The following SPAG16 variants were observed in gnomAD, a reference collection of about 807,000 sequenced individuals.
The protein encoded by SPAG16 is sperm associated antigen 16, also known as sperm-associated antigen 16 protein.
In SPAG16, 86 loss-of-function variants were observed where a neutral mutation model predicts 80.4. That is an observed-to-expected ratio of 1.07 (90% CI 0.90 to 1.28). The LOEUF is 1.28. SPAG16 is among the 50% of genes most tolerant of loss of function. The pLI is 0.00. For missense variants in SPAG16, 870 were observed against 765.3 expected, an observed-to-expected ratio of 1.14 and a Z score of -1.61; for synonymous variants, 294 against 265.9, an observed-to-expected ratio of 1.11 and a Z score of -1.03.
chr2:213,466,073 C>A (rs899479695), intron 9 of SPAG16, among the ~76,000 whole-genome samples: 5 of 152,190 alleles, frequency 3.3e-5, no homozygotes, highest in African/African-American at 9.6e-5. Flanking sequence ...CAGCCTAAAT[C>A]TTTCTCCTGT....
At position 213,378,035 on chromosome 2, in the gene SPAG16, C is replaced by T. The variant is rs1361259190; in HGVS notation, c.942+2916C>T. ...AACTAAGGAGCACGGAGAGCCAGTCCGAGTCCCAAAACTGAAGAACTTGGA... is the reference window on the plus strand; with the variant it reads ...AACTAAGGAGCACGGAGAGCCAGTCTGAGTCCCAAAACTGAAGAACTTGGA... On this transcript the variant is annotated intron_variant, in intron 9 of 15. Transcript: ENST00000331683. Among the ~76,000 whole-genome samples, 5 of 151,902 alleles carry T rather than the reference C, an allele frequency of 3.3e-5. No individual in the cohort carries two copies. In the South Asian group the frequency reaches 6.2e-4, roughly 19 times the overall value.
chr2:213,748,469 A>C (rs1049851085), intron 10 of SPAG16, among the ~76,000 whole-genome samples: 3 of 152,050 alleles, frequency 2.0e-5, no homozygotes, highest in Non-Finnish European at 4.4e-5. Flanking sequence ...AGTTGAAAAA[A>C]AATGAAGAAA....
chr2:213,484,944 A>G (rs1038529079), intron 9 of SPAG16, among the ~76,000 whole-genome samples: 1 of 151,930 alleles, frequency 6.6e-6, no homozygotes, highest in Non-Finnish European at 1.5e-5. Context: ...GTGTTCTAGT[A>G]GGTATTTTTA....
chr2:214,299,306 AG>A (rs1490670912), intron 15 of SPAG16, among the ~76,000 whole-genome samples: 3 of 127,730 alleles, frequency 2.3e-5, no homozygotes, highest in Non-Finnish European at 4.6e-5. Context: ...GCTGGAGTGC[AG>A]TGGCGCAATC....
intron 11 of SPAG16, among the ~76,000 whole-genome samples, chr2:213,900,008 T>A (rs1439652116): frequency 1.3e-5 from 2 of 152,168 alleles, no homozygotes; most frequent in Non-Finnish European, 2.9e-5. Context: ...TTGCATTCCA[T>A]ATTTAGTCAG....
At chr2:213,710,446 T>G (rs1367761566) in intron 10 of SPAG16, among the ~76,000 whole-genome samples, 1 of 152,204 alleles carries the variant, frequency 6.6e-6, no homozygotes, top group African/African-American at 2.4e-5. Context: ...TAAGCATGTA[T>G]CTATGTATTA....
At chr2:213,394,647 G>A (rs2067942602) in intron 9 of SPAG16, among the ~76,000 whole-genome samples, 1 of 151,982 alleles carries the variant, frequency 6.6e-6, no homozygotes, top group Non-Finnish European at 1.5e-5. Context: ...CTTCATTTCT[G>A]TAATTTTTTT....
chr2:214,203,191 G>T (rs1175568195), intron 15 of SPAG16, among the ~76,000 whole-genome samples: 1 of 152,052 alleles, frequency 6.6e-6, no homozygotes, highest in African/African-American at 2.4e-5. Context: ...ATAATTGGAT[G>T]ATGTCCAATT....
chr2:213,506,875 A>G (rs2074990488), intron 10 of SPAG16, among the ~76,000 whole-genome samples: 1 of 152,230 alleles, frequency 6.6e-6, no homozygotes, highest in Non-Finnish European at 1.5e-5. Context: ...TATCAGCATT[A>G]TCCTCAGTTC....
intron 15 of SPAG16, among the ~76,000 whole-genome samples, chr2:214,331,771 A>G (rs1477257): frequency 0.32 from 48,744 of 152,158 alleles, 12,270 homozygotes; most frequent in African/African-American, 0.7. Flanking sequence ...TTTTCTGTGA[A>G]GAAGGTCTCT....
At chr2:214,316,570 A>G (rs1173218842) in intron 15 of SPAG16, among the ~76,000 whole-genome samples, 2 of 152,060 alleles carry the variant, frequency 1.3e-5, no homozygotes, top group African/African-American at 4.8e-5. Flanking sequence ...CTGTGAAGAA[A>G]TCTCCCCTCC....
chr2:214,125,668 A>G (rs886111758), intron 14 of SPAG16, among the ~76,000 whole-genome samples: 4 of 151,752 alleles, frequency 2.6e-5, no homozygotes, highest in African/African-American at 7.2e-5. Flanking sequence ...GATTTTGGAT[A>G]TTTTATCAAG....
At chr2:214,049,223 C>T (rs1052645450) in intron 13 of SPAG16, among the ~76,000 whole-genome samples, 1 of 152,180 alleles carries the variant, frequency 6.6e-6, no homozygotes, top group Non-Finnish European at 1.5e-5. Context: ...TCTCAATTGA[C>T]TGAAAAGGAA....
At chr2:213,913,572 T>TATATATGTACATGTACATATAC (rs2077786076) in intron 11 of SPAG16, among the ~76,000 whole-genome samples, 3 of 99,416 alleles carry the variant, frequency 3.0e-5, no homozygotes, top group African/African-American at 1.1e-4. Flanking sequence ...TGTGTGTGTA[T>TATATATGTACATGTACATATAC]ATATATGTAC....
chr2:213,327,093 A>C (rs1397843962), intron 5 of SPAG16, among the ~76,000 whole-genome samples: 2 of 151,840 alleles, frequency 1.3e-5, no homozygotes, highest in African/African-American at 4.8e-5. Context: ...TATGATGTAC[A>C]CATTTAAATA....
chr2:213,296,665 G>T (rs1440728928), intron 2 of SPAG16, among the ~76,000 whole-genome samples: 1 of 152,206 alleles, frequency 6.6e-6, no homozygotes, highest in Admixed American at 6.5e-5. Context: ...GCCTGGGTGA[G>T]CAAGAGACAG....
intron 11 of SPAG16, among the ~76,000 whole-genome samples, chr2:213,894,222 C>T (rs2076902808): frequency 6.6e-6 from 1 of 152,110 alleles, no homozygotes; most frequent in African/African-American, 2.4e-5. Context: ...TTGTCAAGAA[C>T]ACATTAAAAA....
intron 15 of SPAG16, among the ~76,000 whole-genome samples, chr2:214,374,193 G>A (rs1365476738): frequency 6.6e-6 from 1 of 152,176 alleles, no homozygotes; most frequent in Non-Finnish European, 1.5e-5. Context: ...CTGCCTTTAT[G>A]CCAATTATGT....
chr2:213,866,546 C>T lies in SPAG16; in HGVS notation c.1214+3918C>T, dbSNP rs2075691149. Reference sequence around the variant, plus strand: ...CACACGTTTGCATATATTGTTAGGTCCCATGTGTTGAAATTGATTAGGGGA... The same window carrying T: ...CACACGTTTGCATATATTGTTAGGTTCCATGTGTTGAAATTGATTAGGGGA... On this transcript the variant is annotated intron_variant, in intron 11 of 15. Coordinates refer to ENST00000331683, the MANE Select transcript of SPAG16 (RefSeq NM_024532.5). Among the ~76,000 whole-genome samples the T allele has an allele frequency of 2.1e-5, 3 of 145,916 alleles. 1 individual carries two copies. The South Asian group carries it at 6.2e-4, about 30-fold the overall frequency.
Sources: allele counts gnomAD v4.1 joint callset (sites outside exome capture counted in the v4.1 genomes callset), GRCh38; gene constraint gnomAD v4.1.1; transcripts MANE v1.5; gene names NCBI Gene and HGNC (gene_info 2026-07-23, HGNC 2026-07-21).